ADAMTS14: variants seen among roughly 807,000 people sequenced by gnomAD.
The protein encoded by ADAMTS14 is ADAM metallopeptidase with thrombospondin type 1 motif 14.
A neutral mutation model predicts 128.6 loss-of-function variants in ADAMTS14; 100 were observed. The observed-to-expected ratio is 0.78, with a 90% CI of 0.66 to 0.92. The LOEUF is 0.92. ADAMTS14 is among the 40% of genes least tolerant of loss of function. The pLI is 0.00. For missense variants in ADAMTS14, 1,562 were observed against 1,658.6 expected (o/e 0.94, Z 1.01); for synonymous variants, 665 against 653.8 (o/e 1.02, Z -0.26).
At chr10:70,706,247 A>C (rs10740356) in intron 3 of ADAMTS14, among the ~76,000 whole-genome samples, 1 of 152,030 alleles carries the variant, frequency 6.6e-6, no homozygotes, top group Non-Finnish European at 1.5e-5. Flanking sequence ...CCCGATAGAC[A>C]GTGGTCATGG....
rs185409453 is a variant in ADAMTS14, at chr10:70,723,128, C to T, written c.871-6166C>T. ...AGCACCTTACCCCTGTGGGCTTCCT[C>T]CCCAATAGCCCCCATCTAACCATGA... On this transcript the variant is annotated intron_variant, in intron 4 of 21. Coordinates refer to ENST00000373207, the MANE Select transcript of ADAMTS14 (RefSeq NM_080722.4). Among the ~76,000 whole-genome samples the T allele has an allele frequency of 2.2e-3, 341 of 152,248 alleles. 2 individuals are homozygous for T. The highest frequency in any genetic ancestry group is 7.9e-3 in the African/African-American group (328 of 41,526).
At chr10:70,713,470 G>T (rs541761606) in intron 4 of ADAMTS14, among the ~76,000 whole-genome samples, 30 of 152,332 alleles carry the variant, frequency 2.0e-4, no homozygotes, top group Non-Finnish European at 4.0e-4. Context: ...GAGCCCCAGG[G>T]GCCACAGGAT....
At chr10:70,746,827 A>G (rs1385118408) in intron 15 of ADAMTS14, among the ~76,000 whole-genome samples, 3 of 152,138 alleles carry the variant, frequency 2.0e-5, no homozygotes, top group Non-Finnish European at 4.4e-5. Flanking sequence ...AGCCTGGTTC[A>G]GAGCAGGGTC....
intron 4 of ADAMTS14, among the ~76,000 whole-genome samples, chr10:70,714,423 T>A (rs1387802828): frequency 6.6e-6 from 1 of 152,200 alleles, no homozygotes; most frequent in Non-Finnish European, 1.5e-5. Flanking sequence ...TGAGCACCAC[T>A]GTGTCCACTC....
At position 70,674,898 on chromosome 10, in the gene ADAMTS14, A is replaced by C; in HGVS notation, c.425A>C (p.Glu142Ala). Residue 142 changes from glutamate (E) to alanine (A), a missense_variant, in exon 2 of 22, where the codon GAG (glutamate) becomes GCG (alanine). Physicochemically the swap from Glu to Ala is moderately radical, Grantham distance 107. Coordinates refer to ENST00000373207, the MANE Select transcript of ADAMTS14 (RefSeq NM_080722.4). ...GTGGAGTGGCAGGAGGATTTTCGGG[A>C]GCTGTTCCGGCAGCCCTTACGGCAG... The part of the protein sequence containing the change: ...SSVEWQEDFR[E>A]LFRQPLRQEC... 1 of 1,612,792 alleles carries C rather than the reference A, an allele frequency of 6.2e-7. No homozygotes were observed. Among genetic ancestry groups the C allele is most frequent in the Non-Finnish European group, 8.5e-7 (1 of 1,179,858 alleles).
intron 6 of ADAMTS14, among the ~76,000 whole-genome samples, chr10:70,730,499 C>T (rs935471900): frequency 6.6e-6 from 1 of 152,170 alleles, no homozygotes; most frequent in African/African-American, 2.4e-5. Flanking sequence ...GGCCCTGGGT[C>T]CTGTGCTTAA....
Position 70,761,096 on chromosome 10 carries a change from T to C in ADAMTS14, c.*243T>C. The C allele has an allele frequency of 3.9e-6, 2 of 507,924 alleles. No individual in the cohort carries two copies. Among genetic ancestry groups the C allele is most frequent in the Non-Finnish European group, 6.6e-6 (2 of 302,642 alleles). The allele number at this position is 507,924 out of a possible 1,614,324, so 31.5% of individuals were successfully genotyped here. A position where few individuals can be genotyped will look rare whatever the true frequency, so the allele number is the denominator to read the frequency against. ...GCTGCCCCCGGCGGGACTGACCCTC[T>C]CAGGGCCCCTGTTGGTCTCCCCTGC... On this transcript the variant is annotated 3_prime_UTR_variant, in exon 22 of 22. Coordinates refer to ENST00000373207, the MANE Select transcript of ADAMTS14 (RefSeq NM_080722.4).
At chr10:70,719,017 G>C in intron 4 of ADAMTS14, among the ~76,000 whole-genome samples, 1 of 152,030 alleles carries the variant, frequency 6.6e-6, no homozygotes, top group East Asian at 1.9e-4. Flanking sequence ...CTTAACCAGG[G>C]ACATTTGGTA....
chr10:70,673,799 C>G (rs1467211724), intron 1 of ADAMTS14, among the ~76,000 whole-genome samples: 1 of 152,160 alleles, frequency 6.6e-6, no homozygotes, highest in African/African-American at 2.4e-5. Flanking sequence ...CCCAGCCTGG[C>G]TGGGCTCAAG....
intron 7 of ADAMTS14, 52 bp from the exon 8 acceptor site, chr10:70,733,833 C>T: frequency 6.4e-7 from 1 of 1,565,914 alleles, no homozygotes; most frequent in Non-Finnish European, 8.7e-7. Context: ...GCCTGCCTTC[C>T]CGGGGCAGGC....
chr10:70,672,925 G>C, intron 1 of ADAMTS14, 41 bp downstream of exon 1: 1 of 1,410,626 alleles, frequency 7.1e-7, no homozygotes, highest in Non-Finnish European at 9.2e-7. Flanking sequence ...TGGGGTCCGG[G>C]GTGCACGCGG....
chr10:70,675,068 A>G (rs1839604201), intron 2 of ADAMTS14, 73 bp downstream of exon 2: 1 of 1,545,826 alleles, frequency 6.5e-7, no homozygotes, highest in Non-Finnish European at 8.8e-7. Flanking sequence ...TGAGATTGCT[A>G]TGGGCATGTT....
At chr10:70,737,994 A>C (rs1841879974) in intron 10 of ADAMTS14, among the ~76,000 whole-genome samples, 1 of 152,154 alleles carries the variant, frequency 6.6e-6, no homozygotes. Flanking sequence ...ATAGTACGTA[A>C]ATTACACCTC....
At chr10:70,678,292 G>C (rs1839703678) in intron 2 of ADAMTS14, among the ~76,000 whole-genome samples, 1 of 152,184 alleles carries the variant, frequency 6.6e-6, no homozygotes, top group South Asian at 2.1e-4. Context: ...AGAGAGTCAG[G>C]TCCCTGTCCT....
intron 4 of ADAMTS14, among the ~76,000 whole-genome samples, chr10:70,714,363 C>G (rs1840955640): frequency 6.6e-6 from 1 of 152,158 alleles, no homozygotes. Flanking sequence ...CGTGCAGAGA[C>G]AGGCTGTAAC....
chr10:70,756,612 T>C (rs1027899288), intron 19 of ADAMTS14, among the ~76,000 whole-genome samples: 13 of 152,206 alleles, frequency 8.5e-5, no homozygotes, highest in African/African-American at 2.9e-4. Flanking sequence ...AGACATGATA[T>C]GTATTGTGTT....
At chr10:70,751,422 G>A in intron 16 of ADAMTS14, 56 bp from the exon 17 acceptor site, 5 of 1,551,530 alleles carry the variant, frequency 3.2e-6, no homozygotes, top group Non-Finnish European at 3.5e-6. Context: ...CCCTCCCAGT[G>A]CATGCCGCCC....
intron 7 of ADAMTS14, among the ~76,000 whole-genome samples, chr10:70,733,464 C>A (rs747354351): frequency 1.3e-5 from 2 of 152,186 alleles, no homozygotes; most frequent in Non-Finnish European, 2.9e-5. Flanking sequence ...CTGGTCTTTG[C>A]ACTCAAAGGC....
Position 70,674,661 on chromosome 10 carries a change from C to G in ADAMTS14, c.188C>G (p.Ala63Gly), listed in dbSNP as rs1839585452. Residue 63 changes from alanine (A) to glycine (G), a missense_variant, in exon 2 of 22, where the codon GCC becomes GGC. Coordinates refer to ENST00000373207, the MANE Select transcript of ADAMTS14 (RefSeq NM_080722.4). ...LSHVVSGPAA[A>G]SAGSMVVDTP... ...CACGTGGTGTCTGGCCCAGCAGCAG[C>G]CTCTGCAGGGAGCATGGTAGTGGAC... 6.2e-7 allele frequency: 1 copy of G among 1,613,654 alleles called. No homozygotes were observed. The highest frequency in any genetic ancestry group is 8.5e-7 in the Non-Finnish European group (1 of 1,180,036).
Sources: gnomAD v4.1 joint callset for allele counts (sites outside exome capture counted in the v4.1 genomes callset) on GRCh38, gnomAD v4.1.1 for gene constraint, MANE v1.5 for transcripts, NCBI Gene and HGNC (gene_info 2026-07-23, HGNC 2026-07-21) for gene names.